DNAH5: variants seen among roughly 807,000 people sequenced by gnomAD.
DNAH5 encodes axonemal beta dynein heavy chain 5.
In DNAH5, 372 loss-of-function variants were observed where a neutral mutation model predicts 518.2. The observed-to-expected ratio is 0.72, with a 90% CI of 0.66 to 0.78. The LOEUF is 0.78. Among genes scored for constraint, DNAH5 ranks in the 30% least tolerant of loss-of-function variants. DNAH5 has a pLI of 0.00. For synonymous variants in DNAH5, 2,039 were observed against 2,025.9 expected, an observed-to-expected ratio of 1.01 and a Z score of -0.17; for missense variants, 5,523 against 5,687.0, an observed-to-expected ratio of 0.97 and a Z score of 0.93.
At chr5:13,926,688 GTT>G (rs1341162698) in intron 3 of DNAH5, among the ~76,000 whole-genome samples, 2 of 82,826 alleles carry the variant, frequency 2.4e-5, no homozygotes, top group Admixed American at 2.4e-4. Flanking sequence ...TCTAATCCAA[GTT>G]CAGAAGGACT....
rs758443484 is a variant in DNAH5, at chr5:13,754,324, A to G, written c.10434T>C (p.Asp3478=). Reference sequence around the variant, plus strand: ...GCATCTTGTGTCTGCATCGCTCTGCATCTTCAAGCAAGGTCTAACAAAGGT... The same window carrying G: ...GCATCTTGTGTCTGCATCGCTCTGCGTCTTCAAGCAAGGTCTAACAAAGGT... The part of the protein sequence containing the change: ...AMTEKQTLLE[D]AERCRHKMQT... Residue 3478 remains aspartate, a synonymous_variant, in exon 62 of 79, where the codon GAT becomes GAC. Coordinates refer to ENST00000265104, the MANE Select transcript of DNAH5 (RefSeq NM_001369.3). The G allele has an allele frequency of 2.5e-6, 4 of 1,614,002 alleles. No homozygotes were observed. The African/African-American group carries it at 4.0e-5, about 16-fold the overall frequency.
rs373885245 is a variant in DNAH5, at chr5:13,811,748, A to G, written c.7306T>C (p.Tyr2436His). 27 of 1,614,072 alleles carry G rather than the reference A, an allele frequency of 1.7e-5. No individual in the cohort carries two copies. The highest frequency in any genetic ancestry group is 4.0e-5 in the African/African-American group (3 of 74,940). Residue 2436 changes from tyrosine to histidine, a missense_variant, in exon 44 of 79, where the codon TAT (tyrosine) becomes CAT (histidine). Tyr to His is a moderately conservative substitution (Grantham distance 83). Transcript: ENST00000265104. ...QLYTESFPDL[Y>H]RFCIQNLEYK... ...TCTAAGTTCTGGATACAGAAGCGAT[A>G]CAAGTCTGGGAAAGACTCGGTGTAC...
intron 62 of DNAH5, 70 bp from the exon 63 acceptor site, chr5:13,753,619 T>A (rs1750573403): frequency 1.5e-6 from 2 of 1,357,212 alleles, no homozygotes; most frequent in Non-Finnish European, 1.0e-6. Context: ...ATATTAAAAA[T>A]GAAAAAAATT....
Position 13,739,697 on chromosome 5 carries a change from G to A in DNAH5, c.11212-2202C>T, listed in dbSNP as rs75571858. Among the ~76,000 whole-genome samples, 17 of 152,186 alleles carry A rather than the reference G, an allele frequency of 1.1e-4. No individual in the cohort carries two copies. The East Asian group carries it at 3.3e-3, about 29-fold the overall frequency. ...TAATTACACAATTTACCTTTGTTAT[G>A]ATCCGGTATGCACACAGACATGGAG... is the stretch of plus-strand genomic sequence containing the variant. On this transcript the variant is annotated intron_variant, in intron 65 of 78. Coordinates refer to ENST00000265104, the MANE Select transcript of DNAH5 (RefSeq NM_001369.3).
At chr5:13,792,480 T>C (rs941959359) in intron 49 of DNAH5, among the ~76,000 whole-genome samples, 4 of 152,196 alleles carry the variant, frequency 2.6e-5, no homozygotes, top group Admixed American at 6.6e-5. Flanking sequence ...ACCACTTCAA[T>C]ATTATTAAAT....
intron 1 of DNAH5, among the ~76,000 whole-genome samples, chr5:13,998,764 G>C (rs1357010120): frequency 1.3e-5 from 2 of 152,194 alleles, no homozygotes; most frequent in Non-Finnish European, 2.9e-5. Flanking sequence ...TGAAATGATT[G>C]TTTCTAGTGA....
chr5:13,961,608 C>A (rs932475508), intron 1 of DNAH5, among the ~76,000 whole-genome samples: 1 of 151,954 alleles, frequency 6.6e-6, no homozygotes, highest in African/African-American at 2.4e-5. Context: ...CACATCACTG[C>A]GCTCCAGCCC....
intron 76 of DNAH5, 87 bp from the exon 77 acceptor site, chr5:13,701,523 T>C: frequency 8.0e-7 from 1 of 1,245,588 alleles, no homozygotes; most frequent in Admixed American, 2.0e-5. Flanking sequence ...AAAAAAAAGA[T>C]GAAATATCAA....
Position 13,766,009 on chromosome 5 carries a change from C to T in DNAH5, c.10068G>A (p.Leu3356=), listed in dbSNP as rs769718739. 2 of 1,614,210 alleles carry T rather than the reference C, an allele frequency of 1.2e-6. No individual in the cohort carries two copies. Among genetic ancestry groups the T allele is most frequent in the Admixed American group, 3.3e-5 (2 of 60,032 alleles). ...TMPSWQESLK[L]MTAGNFLQNL... is the part of the protein sequence containing the mutation. The stretch of plus-strand genomic sequence containing the variant: ...TCTGTAAAAAGTTCCCTGCAGTCAT[C>T]AATTTTAAGGATTCCTGCCAGGAGG... The change falls in exon 59 of 79, where the codon TTG becomes TTA. Residue 3356 remains leucine (L), a synonymous_variant. Coordinates refer to ENST00000265104, the MANE Select transcript of DNAH5 (RefSeq NM_001369.3).
Position 13,923,406 on chromosome 5 carries a change from A to G in DNAH5, c.312T>C (p.Val104=). Residue 104 remains valine, a synonymous_variant, in exon 4 of 79, where the codon GTT becomes GTC. Transcript: ENST00000265104. Reference sequence around the variant, plus strand: ...CCTTAGGTTTTTTAATCTTTCCAGAAACAAGATTTACCCCTCCTAGAGAGC... The same window carrying G: ...CCTTAGGTTTTTTAATCTTTCCAGAGACAAGATTTACCCCTCCTAGAGAGC... The part of the protein sequence containing the change: ...QLGSLGGVNL[V]SGKIKKPKVF... The G allele has an allele frequency of 6.2e-7, 1 of 1,614,156 alleles. No homozygotes were observed. The highest frequency in any genetic ancestry group is 2.2e-5 in the East Asian group (1 of 44,868).
At chr5:13,808,921 C>G in intron 46 of DNAH5, 123 bp downstream of exon 46, 2 of 1,214,696 alleles carry the variant, frequency 1.6e-6, no homozygotes, top group Non-Finnish European at 2.4e-6. Flanking sequence ...GATCGCGCCA[C>G]TGCACTCCAG....
At chr5:13,747,889 C>A (rs1237341224) in intron 65 of DNAH5, among the ~76,000 whole-genome samples, 1 of 151,574 alleles carries the variant, frequency 6.6e-6, no homozygotes, top group African/African-American at 2.4e-5. Flanking sequence ...TTAGTTTTGT[C>A]AATTTTGTCA....
chr5:13,950,936 C>G (rs1166702065), intron 1 of DNAH5, among the ~76,000 whole-genome samples: 2 of 152,100 alleles, frequency 1.3e-5, no homozygotes, highest in Non-Finnish European at 2.9e-5. Flanking sequence ...AACCCCATGC[C>G]TTAATTACTT....
At chr5:13,923,945 C>G (rs1273212509) in intron 3 of DNAH5, among the ~76,000 whole-genome samples, 1 of 152,122 alleles carries the variant, frequency 6.6e-6, no homozygotes, top group Non-Finnish European at 1.5e-5. Context: ...ACTTGGGAGG[C>G]TGAGGCAGGA....
intron 42 of DNAH5, among the ~76,000 whole-genome samples, chr5:13,816,632 T>C (rs1761486560): frequency 6.6e-6 from 1 of 151,918 alleles, no homozygotes; most frequent in African/African-American, 2.4e-5. Context: ...TTACAGTGGG[T>C]TAGTGGAACA....
At position 13,701,147 on chromosome 5, in the gene DNAH5, G is replaced by A. The variant is rs1273502851; in HGVS notation, c.13491+137C>T. On this transcript the variant is annotated intron_variant, in intron 77 of 78. Coordinates refer to ENST00000265104, the MANE Select transcript of DNAH5 (RefSeq NM_001369.3). ...CTGAGAACAACTGGCTGGGATTTATGTACATGACAATGTAACTGCTAGTAC... is the reference window on the plus strand; with the variant it reads ...CTGAGAACAACTGGCTGGGATTTATATACATGACAATGTAACTGCTAGTAC... 7.6e-6 allele frequency: 9 copies of A among 1,185,876 alleles called. No homozygotes were observed. The East Asian group carries it at 1.4e-4, about 19-fold the overall frequency. The allele number at this position is 1,185,876 out of a possible 1,614,324, so 73.5% of individuals were successfully genotyped here. A position where few individuals can be genotyped will look rare whatever the true frequency, so the allele number is the denominator to read the frequency against.
At chr5:13,861,883 G>A (rs116631993) in intron 29 of DNAH5, among the ~76,000 whole-genome samples, 2,973 of 148,248 alleles carry the variant, frequency 0.02, 114 homozygotes, top group African/African-American at 0.069. Flanking sequence ...AGCCAGGGAG[G>A]CTGAGGTTTC....
intron 31 of DNAH5, among the ~76,000 whole-genome samples, chr5:13,848,626 A>C (rs1766389909): frequency 6.6e-6 from 1 of 152,166 alleles, no homozygotes; most frequent in Admixed American, 6.6e-5. Flanking sequence ...AGATGATGGG[A>C]AACAGTGACC....
intron 1 of DNAH5, among the ~76,000 whole-genome samples, chr5:13,988,416 ATT>A (rs34546274): frequency 0.35 from 51,793 of 147,928 alleles, 9,630 homozygotes; most frequent in South Asian, 0.52. Flanking sequence ...CAAAACACCA[ATT>A]TTTTTTTTTT....
Sources: gnomAD v4.1 joint callset for allele counts (sites outside exome capture counted in the v4.1 genomes callset) on GRCh38, gnomAD v4.1.1 for gene constraint, MANE v1.5 for transcripts, NCBI Gene and HGNC (gene_info 2026-07-23, HGNC 2026-07-21) for gene names.